The following DNAH17 variants were observed in gnomAD, a reference collection of about 807,000 sequenced individuals.
The protein encoded by DNAH17 is dynein axonemal heavy chain 17.
DNAH17 carries 376 observed loss-of-function variants against 485.6 expected under a neutral mutation model. The observed-to-expected ratio is 0.77, with a 90% CI of 0.71 to 0.84. The LOEUF is 0.84. DNAH17 is among the 40% of genes least tolerant of loss of function. The probability of loss-of-function intolerance (pLI) is 0.00; values close to 1 mark genes in which losing one functional copy is unlikely to be tolerated. For synonymous variants in DNAH17, 3,031 were observed against 2,405.9 expected, an observed-to-expected ratio of 1.26 and a Z score of -7.60; for missense variants, 6,370 against 5,839.3, an observed-to-expected ratio of 1.09 and a Z score of -2.96.
intron 14 of DNAH17, among the ~76,000 whole-genome samples, chr17:78,556,953 G>A (rs189218609): frequency 1.6e-4 from 25 of 152,322 alleles, no homozygotes; most frequent in South Asian, 1.2e-3. Context: ...TCCGGTTCCC[G>A]ACTCGGCTTC....
rs1436441204 is a variant in DNAH17 at position 78,423,952 on chromosome 17, G to A, written c.13343C>T (p.Ala4448Val). ...WTFNLKTKEK[A>V]AKWILAAVAL... ...CACGGCTGCCAGGATCCACTTCGCT[G>A]CCTTCTCTTTGGTCTTCAAGTTAAA... Residue 4448 changes from alanine (A) to valine (V), a missense_variant, in exon 81 of 81, where the codon GCA (alanine) becomes GTA (valine). Ala to Val is a moderately conservative substitution (Grantham distance 64, BLOSUM62 0). Transcript: ENST00000389840. 1 of 1,613,904 alleles carries A rather than the reference G, an allele frequency of 6.2e-7. No individual in the cohort carries two copies. The highest frequency in any genetic ancestry group is 8.5e-7 in the Non-Finnish European group (1 of 1,179,894).
At chr17:78,427,748 G>A (rs2086526328) in intron 77 of DNAH17, among the ~76,000 whole-genome samples, 1 of 152,130 alleles carries the variant, frequency 6.6e-6, no homozygotes, top group African/African-American at 2.4e-5. Flanking sequence ...GAGGCGGGAT[G>A]GTCACCTGAG....
chr17:78,480,324 G>C (rs1319799028), intron 49 of DNAH17, among the ~76,000 whole-genome samples: 1 of 151,972 alleles, frequency 6.6e-6, no homozygotes, highest in Non-Finnish European at 1.5e-5. Flanking sequence ...ACTCCAGCCT[G>C]GGTGACAGAG....
At chr17:78,485,121 G>A in intron 47 of DNAH17, 88 bp from the exon 48 acceptor site, 1 of 1,460,920 alleles carries the variant, frequency 6.8e-7, no homozygotes, top group Non-Finnish European at 9.0e-7. Context: ...CTTCCCCGGA[G>A]GACAGAAGGT....
rs2088031427 is a variant in DNAH17, at chr17:78,460,207, T to A, written c.9390A>T (p.Glu3130Asp). The A allele has an allele frequency of 1.2e-6, 2 of 1,609,006 alleles. No homozygotes were observed. Among genetic ancestry groups the A allele is most frequent in the African/African-American group, 2.7e-5 (2 of 74,890 alleles). ...KACETDLAKAEPALLAAQEAL... is the reference protein window; with the variant it reads ...KACETDLAKADPALLAAQEAL... ...CCTCCTGGGCTGCCAGCAGGGCCGG[T>A]TCTGCTTTGGCCAGGTCTGTTTCAC... Residue 3130 changes from glutamate to aspartate, a missense_variant, in exon 59 of 81, where the codon GAA becomes GAT. Physicochemically the swap from Glu to Asp is conservative, Grantham distance 45. Coordinates refer to ENST00000389840, the MANE Select transcript of DNAH17 (RefSeq NM_173628.4).
At position 78,522,054 on chromosome 17, in the gene DNAH17, C is replaced by T. The variant is rs116886874; in HGVS notation, c.3864+2955G>A. 4.3e-3 allele frequency among the ~76,000 whole-genome samples: 661 copies of T among 152,338 alleles called. 15 individuals are homozygous for T. Among genetic ancestry groups the T allele is most frequent in the East Asian group, 0.022 (116 of 5,184 alleles). ...GTTAAGAGAATGAAAAGACAAGTTACAGACTAGGAGAAATTACTCGCAATC... is the reference window on the plus strand; with the variant it reads ...GTTAAGAGAATGAAAAGACAAGTTATAGACTAGGAGAAATTACTCGCAATC... On this transcript the variant is annotated intron_variant, in intron 25 of 80. Transcript: ENST00000389840.
rs1222111120 is a variant in DNAH17 at position 78,460,224 on chromosome 17, C to T, written c.9373G>A (p.Asp3125Asn). The change falls in exon 59 of 81, where the codon GAC becomes AAC. Residue 3125 changes from aspartate to asparagine, a missense_variant. Transcript: ENST00000389840. The part of the protein sequence containing the change: ...VTEKQKACET[D>N]LAKAEPALLA... Reference sequence around the variant, plus strand: ...AGGGCCGGTTCTGCTTTGGCCAGGTCTGTTTCACAGGCCTTTTGCTTCTCA... The same window carrying T: ...AGGGCCGGTTCTGCTTTGGCCAGGTTTGTTTCACAGGCCTTTTGCTTCTCA... 1 of 1,606,592 alleles carries T rather than the reference C, an allele frequency of 6.2e-7. No individual in the cohort carries two copies. Among genetic ancestry groups the T allele is most frequent in the African/African-American group, 1.3e-5 (1 of 74,854 alleles).
At chr17:78,561,610 T>C in intron 12 of DNAH17, 105 bp downstream of exon 12, 2 of 1,357,260 alleles carry the variant, frequency 1.5e-6, no homozygotes, top group South Asian at 1.6e-5. Flanking sequence ...GAGGTAACAG[T>C]CTGGTCGACA....
At chr17:78,497,184 G>A (rs901166624) in intron 37 of DNAH17, 6 of 152,226 alleles carry the variant, frequency 3.9e-5, no homozygotes, top group Non-Finnish European at 5.9e-5. Context: ...TGTCAGCTAC[G>A]AGGTTAAACC....
At chr17:78,460,133 G>C (rs150414589) in intron 59 of DNAH17, 29 bp downstream of exon 59, 3 of 1,586,158 alleles carry the variant, frequency 1.9e-6, no homozygotes, top group Non-Finnish European at 2.6e-6. Context: ...ACCAGGCCAG[G>C]GGTCCCCTTT....
rs62075878 is a variant in DNAH17, at chr17:78,525,226, C to T, written c.3712-65G>A. ...CTCAGCGGTGCCCCACCCCACTCCC[C>T]GACGTTCTGCCCGTCTCTCCAGTGT... On this transcript the variant is annotated intron_variant, in intron 24 of 80. Coordinates refer to ENST00000389840, the MANE Select transcript of DNAH17 (RefSeq NM_173628.4). 0.16 allele frequency: 245,405 copies of T among 1,565,836 alleles called. 20,561 individuals are homozygous for T. The highest frequency in any genetic ancestry group is 0.21 in the Middle Eastern group (1,062 of 5,110).
At chr17:78,472,200 G>A (rs574769471) in intron 54 of DNAH17, among the ~76,000 whole-genome samples, 3 of 151,812 alleles carry the variant, frequency 2.0e-5, no homozygotes, top group East Asian at 1.9e-4. Flanking sequence ...ACACGGAGCC[G>A]AGATTTGGGA....
intron 18 of DNAH17, among the ~76,000 whole-genome samples, chr17:78,537,756 C>CT (rs1488490798): frequency 6.6e-6 from 1 of 152,256 alleles, no homozygotes; most frequent in Non-Finnish European, 1.5e-5. Context: ...AAGCCCACAC[C>CT]TGCTACTTGC....
chr17:78,433,915 G>GGGAGGGAAGGAAGGAGGGAGGGAA (rs1473650128), intron 75 of DNAH17, 114 bp downstream of exon 75: 51 of 505,804 alleles, frequency 1.0e-4, no homozygotes, highest in African/African-American at 2.7e-4. Flanking sequence ...CAAAAGGAAA[G>GGGAGGGAAGGAAGGAGGGAGGGAA]GGAGGGAAGG....
chr17:78,439,322 T>G (rs998238809), intron 72 of DNAH17, 105 bp from the exon 73 acceptor site: 3 of 1,354,972 alleles, frequency 2.2e-6, no homozygotes, highest in Non-Finnish European at 3.0e-6. Context: ...TCATTTAGTT[T>G]CGGTGGTGAA....
At chr17:78,477,921 TCACCACCATCATCAC>T (rs1288280351) in intron 51 of DNAH17, among the ~76,000 whole-genome samples, 3 of 146,768 alleles carry the variant, frequency 2.0e-5, no homozygotes, top group African/African-American at 5.3e-5. Context: ...CACATCACCA[TCACCACCATCATCAC>T]CACCATCACC....
intron 36 of DNAH17, 187 bp from the exon 37 acceptor site, chr17:78,499,299 G>A (rs184729562): frequency 7.0e-4 from 299 of 429,620 alleles, no homozygotes; most frequent in African/African-American, 5.4e-3. Flanking sequence ...CACCGTGGAG[G>A]GCTGGACACG....
intron 37 of DNAH17, among the ~76,000 whole-genome samples, chr17:78,497,968 C>T (rs1468168731): frequency 1.3e-5 from 2 of 151,994 alleles, no homozygotes; most frequent in African/African-American, 4.8e-5. Flanking sequence ...CACGGAGAAA[C>T]CCCATCTCTA....
chr17:78,480,907 G>A (rs1287302675), intron 48 of DNAH17, 121 bp from the exon 49 acceptor site: 9 of 711,992 alleles, frequency 1.3e-5, no homozygotes, highest in Admixed American at 2.5e-5. Flanking sequence ...GTCTCGCTCT[G>A]TTGCCCAGGC....
Sources: gnomAD v4.1 joint callset for allele counts (sites outside exome capture counted in the v4.1 genomes callset) on GRCh38, gnomAD v4.1.1 for gene constraint, MANE v1.5 for transcripts, NCBI Gene and HGNC (gene_info 2026-07-23, HGNC 2026-07-21) for gene names.